Variants in PDE8B observed in about 807,000 individuals in gnomAD.
PDE8B encodes high affinity cAMP-specific and IBMX-insensitive 3',5'-cyclic phosphodiesterase 8B.
Under a neutral mutation model 101.3 loss-of-function variants are expected in PDE8B, and 26 were observed. That is an observed-to-expected ratio of 0.26 (90% CI 0.19 to 0.36). PDE8B has a LOEUF of 0.36. PDE8B is among the 10% of genes least tolerant of loss of function. PDE8B has a pLI of 1.00. For missense variants in PDE8B, 810 were observed against 1,163.1 expected (o/e 0.70, Z 4.42); for synonymous variants, 424 against 429.3 (o/e 0.99, Z 0.15).
At chr5:77,426,345 C>T in intron 21 of PDE8B, 100 bp from the exon 22 acceptor site, 3 of 775,576 alleles carry the variant, frequency 3.9e-6, no homozygotes, top group Non-Finnish European at 6.8e-6. Flanking sequence ...TGTGCCTCCT[C>T]TAATTCTGAT....
chr5:77,415,467 C>T (rs1371088352), intron 17 of PDE8B, among the ~76,000 whole-genome samples: 2 of 150,646 alleles, frequency 1.3e-5, no homozygotes, highest in Non-Finnish European at 2.9e-5. Flanking sequence ...AAGCGATTCT[C>T]CTGCCTCAGC....
At chr5:77,153,939 T>G in the PDE8B span, among the ~76,000 whole-genome samples, 1 of 152,298 alleles carries the variant, frequency 6.6e-6, no homozygotes, top group Non-Finnish European at 1.5e-5. Context: ...CTTTTCTCAA[T>G]CCTTTTGCTA....
At chr5:77,200,028 TA>T in the PDE8B span, among the ~76,000 whole-genome samples, 284 of 141,010 alleles carry the variant, frequency 2.0e-3, no homozygotes, top group African/African-American at 2.1e-3. Flanking sequence ...CTCTATATAG[TA>T]AAAAAAAAAA....
chr5:77,370,443 T>C (rs1424649445), intron 10 of PDE8B, among the ~76,000 whole-genome samples: 1 of 152,228 alleles, frequency 6.6e-6, no homozygotes, highest in African/African-American at 2.4e-5. Flanking sequence ...CTTCTTTCAG[T>C]CAATATAATG....
chr5:77,176,484 G>A, the PDE8B span, among the ~76,000 whole-genome samples: 1 of 152,194 alleles, frequency 6.6e-6, no homozygotes, highest in Non-Finnish European at 1.5e-5. Context: ...GTCAAATGTG[G>A]GTGGAGGAGA....
chr5:77,237,968 A>C (rs1349857812), intron 1 of PDE8B, among the ~76,000 whole-genome samples: 1 of 152,134 alleles, frequency 6.6e-6, no homozygotes, highest in Non-Finnish European at 1.5e-5. Context: ...AGTCATTTGA[A>C]TTATGGTCCC....
chr5:77,090,288 G>A, the PDE8B span, among the ~76,000 whole-genome samples: 1 of 152,070 alleles, frequency 6.6e-6, no homozygotes, highest in African/African-American at 2.4e-5. Flanking sequence ...CGCCCAGGCT[G>A]GAGTGCAGTG....
At chr5:77,412,003 CTT>C in intron 15 of PDE8B, 95 bp from the exon 16 acceptor site, 1 of 1,291,682 alleles carries the variant, frequency 7.7e-7, no homozygotes, top group Non-Finnish European at 1.1e-6. Flanking sequence ...AGGTACAAGA[CTT>C]TTTTTCTAGT....
At chr5:77,155,298 C>T in the PDE8B span, among the ~76,000 whole-genome samples, 1 of 152,198 alleles carries the variant, frequency 6.6e-6, no homozygotes, top group Non-Finnish European at 1.5e-5. Context: ...CTATGCAATG[C>T]AACACAATGT....
intron 1 of PDE8B, among the ~76,000 whole-genome samples, chr5:77,287,835 G>A (rs988865103): frequency 6.6e-6 from 1 of 152,040 alleles, no homozygotes; most frequent in Non-Finnish European, 1.5e-5. Context: ...CTAGTTCTTT[G>A]TCAAAATGTT....
At chr5:77,377,459 C>T (rs1301678149) in intron 10 of PDE8B, among the ~76,000 whole-genome samples, 1 of 152,174 alleles carries the variant, frequency 6.6e-6, no homozygotes, top group Non-Finnish European at 1.5e-5. Flanking sequence ...AACAAGCCTT[C>T]CAGGTGATTC....
chr5:77,103,002 C>T, the PDE8B span, among the ~76,000 whole-genome samples: 1 of 152,196 alleles, frequency 6.6e-6, no homozygotes, highest in Non-Finnish European at 1.5e-5. Flanking sequence ...AGCATCCACC[C>T]CTCACTGAAC....
At chr5:77,233,107 G>A (rs753251646) in intron 1 of PDE8B, among the ~76,000 whole-genome samples, 6 of 151,766 alleles carry the variant, frequency 4.0e-5, no homozygotes, top group Non-Finnish European at 7.4e-5. Context: ...TACTGACCTC[G>A]GCTCCTGAGC....
At chr5:77,302,443 G>T (rs1233478099) in intron 1 of PDE8B, among the ~76,000 whole-genome samples, 2 of 152,156 alleles carry the variant, frequency 1.3e-5, no homozygotes, top group Non-Finnish European at 2.9e-5. Flanking sequence ...TAGTGCATGG[G>T]GGGAGGTTGA....
At position 77,258,776 on chromosome 5, in the gene PDE8B, C is replaced by A. The variant is rs574374644; in HGVS notation, c.339+47512C>A. ...CCCATTATTCAGTTCAGTGCTCCTA[C>A]GCTTCCTTCAGCTCAGCACTGCCCT... is the stretch of plus-strand genomic sequence containing the variant. On this transcript the variant is annotated intron_variant, in intron 1 of 21. Coordinates refer to ENST00000264917, the MANE Select transcript of PDE8B (RefSeq NM_003719.5). Among the ~76,000 whole-genome samples the A allele has an allele frequency of 1.1e-4, 16 of 152,222 alleles. 1 individual carries two copies. In the South Asian group the frequency reaches 1.7e-3, roughly 16 times the overall value.
chr5:77,409,437 C>T (rs1486893161), intron 14 of PDE8B, among the ~76,000 whole-genome samples: 2 of 152,090 alleles, frequency 1.3e-5, no homozygotes, highest in Admixed American at 6.5e-5. Context: ...TCAGATTCCT[C>T]ATGTAATGAA....
intron 20 of PDE8B, among the ~76,000 whole-genome samples, chr5:77,424,276 G>A (rs141608093): frequency 2.9e-4 from 44 of 152,288 alleles, no homozygotes; most frequent in Middle Eastern, 3.4e-3. Context: ...AATGGAGGAT[G>A]AGAAAAATGT....
At chr5:77,376,907 G>C (rs1360403243) in intron 10 of PDE8B, among the ~76,000 whole-genome samples, 1 of 152,074 alleles carries the variant, frequency 6.6e-6, no homozygotes, top group African/African-American at 2.4e-5. Context: ...GGGAAATGTT[G>C]GATCTCTCTC....
At chr5:77,240,299 G>A (rs574687310) in intron 1 of PDE8B, among the ~76,000 whole-genome samples, 4 of 152,076 alleles carry the variant, frequency 2.6e-5, no homozygotes, top group Admixed American at 2.6e-4. Flanking sequence ...GACTACAGAC[G>A]CCCGCCACCG....
Sources: gnomAD v4.1 joint callset for allele counts (sites outside exome capture counted in the v4.1 genomes callset) on GRCh38, gnomAD v4.1.1 for gene constraint, MANE v1.5 for transcripts, NCBI Gene and HGNC (gene_info 2026-07-23, HGNC 2026-07-21) for gene names.